The following CNTN1 variants were observed in gnomAD, a reference collection of about 807,000 sequenced individuals.
The protein encoded by CNTN1 is contactin-1.
Under a neutral mutation model 126.4 loss-of-function variants are expected in CNTN1, and 38 were observed. That is an observed-to-expected ratio of 0.30 (90% CI 0.23 to 0.39). The LOEUF (loss-of-function observed/expected upper bound fraction) is 0.39, where lower values mean the gene tolerates loss of function less well. Among genes scored for constraint, CNTN1 ranks in the 10% least tolerant of loss-of-function variants. The probability of loss-of-function intolerance (pLI) is 1.00; values close to 1 mark genes in which losing one functional copy is unlikely to be tolerated. For missense variants in CNTN1, 1,009 were observed against 1,248.4 expected, an observed-to-expected ratio of 0.81 and a Z score of 2.89; for synonymous variants, 413 against 422.6, an observed-to-expected ratio of 0.98 and a Z score of 0.28.
In CNTN1 at chr12:41,070,015, C is replaced by T. The variant is rs201778720; in HGVS notation, c.3037C>T (p.Leu1013Phe). Residue 1013 changes from leucine to phenylalanine, a missense_variant, in exon 24 of 24, where the codon CTT becomes TTT. Physicochemically the swap from Leu to Phe is conservative, Grantham distance 22. Coordinates refer to ENST00000551295, the MANE Select transcript of CNTN1 (RefSeq NM_001843.4). ...CTTACTGCTGCCTGCCTTTGGCATC[C>T]TTGTCTACTTGGAATTCTGAATGTG... is the stretch of plus-strand genomic sequence containing the variant. ...LGLLLPAFGI[L>F]VYLEF is the part of the protein sequence containing the mutation. 460 of 1,613,932 alleles carry T rather than the reference C, an allele frequency of 2.9e-4. No individual in the cohort carries two copies. Among genetic ancestry groups the T allele is most frequent in the Non-Finnish European group, 3.6e-4 (426 of 1,179,986 alleles).
At chr12:40,923,589 G>A (rs1466654313) in intron 5 of CNTN1, among the ~76,000 whole-genome samples, 1 of 152,086 alleles carries the variant, frequency 6.6e-6, no homozygotes, top group African/African-American at 2.4e-5. Context: ...TAGTCAGAGG[G>A]TAGAAACATT....
intron 1 of CNTN1, among the ~76,000 whole-genome samples, chr12:40,746,295 G>A (rs1310643133): frequency 6.6e-6 from 1 of 151,852 alleles, no homozygotes; most frequent in African/African-American, 2.4e-5. Context: ...ACTTATTAAC[G>A]AGCTTGATTC....
At chr12:40,925,627 A>ATG (rs1945641482) in intron 6 of CNTN1, among the ~76,000 whole-genome samples, 1 of 136,854 alleles carries the variant, frequency 7.3e-6, no homozygotes, top group Non-Finnish European at 1.5e-5. Flanking sequence ...ATATATACAC[A>ATG]TATATATATA....
intron 23 of CNTN1, among the ~76,000 whole-genome samples, chr12:41,052,161 C>G (rs1253970560): frequency 2.0e-5 from 3 of 152,106 alleles, no homozygotes; most frequent in African/African-American, 7.2e-5. Context: ...CAGTTTATAT[C>G]CCGGATATCT....
chr12:40,726,629 C>A (rs909579149), intron 1 of CNTN1, among the ~76,000 whole-genome samples: 2 of 152,094 alleles, frequency 1.3e-5, no homozygotes, highest in Non-Finnish European at 2.9e-5. Flanking sequence ...ATAGGGATTA[C>A]AATTGGAAGT....
intron 1 of CNTN1, among the ~76,000 whole-genome samples, chr12:40,881,287 T>G (rs1229714127): frequency 6.6e-6 from 1 of 151,902 alleles, no homozygotes; most frequent in East Asian, 1.9e-4. Flanking sequence ...GAACACGTAC[T>G]ATGGCTATAA....
chr12:40,773,633 G>GTGTATATATA (rs1555155525), intron 1 of CNTN1, among the ~76,000 whole-genome samples: 7 of 46,630 alleles, frequency 1.5e-4, no homozygotes, highest in Non-Finnish European at 2.3e-4. Flanking sequence ...ACCAGAAACT[G>GTGTATATATA]TATATATATA....
chr12:40,707,227 C>CTTTTTTTTTTTTTTTT lies in CNTN1; in HGVS notation c.-77+14659_-77+14674dup, dbSNP rs370984371. On this transcript the variant is annotated intron_variant, in intron 1 of 23. Transcript: ENST00000551295. ...TTCCTCTTTCATTTCTTTTCTTTTT[C>CTTTTTTTTTTTTTTTT]TTTTTTTTTTTTTTTTTTTTTTTTT... Among the ~76,000 whole-genome samples, 60 of 109,164 alleles carry CTTTTTTTTTTTTTTTT rather than the reference C, an allele frequency of 5.5e-4. 6 individuals carry two copies. The highest frequency in any genetic ancestry group is 1.6e-3 in the African/African-American group (42 of 26,092). The allele number at this position is 109,164 out of a possible 152,430, so 71.6% of individuals were successfully genotyped here.
chr12:40,697,947 AC>A (rs1401871746), intron 1 of CNTN1, among the ~76,000 whole-genome samples: 4 of 152,234 alleles, frequency 2.6e-5, no homozygotes, highest in Non-Finnish European at 5.9e-5. Flanking sequence ...TGACTCAGGC[AC>A]TAAATCTGCT....
At chr12:41,014,185 T>G in intron 17 of CNTN1, 43 bp from the exon 18 acceptor site, 3 of 1,595,224 alleles carry the variant, frequency 1.9e-6, no homozygotes, top group South Asian at 2.2e-5. Flanking sequence ...ATGCAGGCCC[T>G]CTTTTTGTTG....
At chr12:40,851,174 A>G (rs897269934) in intron 1 of CNTN1, among the ~76,000 whole-genome samples, 1 of 152,208 alleles carries the variant, frequency 6.6e-6, no homozygotes, top group Non-Finnish European at 1.5e-5. Context: ...TCTGGATTAA[A>G]GGTGGTAACA....
At chr12:40,864,017 T>C (rs1422468871) in intron 1 of CNTN1, among the ~76,000 whole-genome samples, 8 of 107,362 alleles carry the variant, frequency 7.5e-5, no homozygotes, top group East Asian at 7.4e-4. Context: ...CTCTCTGCTT[T>C]CCTTTTTTTT....
chr12:40,787,516 AT>A (rs1940070029), intron 1 of CNTN1, among the ~76,000 whole-genome samples: 1 of 152,158 alleles, frequency 6.6e-6, no homozygotes, highest in African/African-American at 2.4e-5. Flanking sequence ...ATTAGAATAA[AT>A]TATAGAATAG....
At chr12:40,789,134 T>C (rs565746125) in intron 1 of CNTN1, among the ~76,000 whole-genome samples, 1 of 152,264 alleles carries the variant, frequency 6.6e-6, no homozygotes, top group Non-Finnish European at 1.5e-5. Flanking sequence ...ATTTTTTCCA[T>C]ATATAGATAA....
intron 1 of CNTN1, among the ~76,000 whole-genome samples, chr12:40,853,553 A>G (rs767470891): frequency 2.6e-5 from 4 of 152,052 alleles, no homozygotes; most frequent in Non-Finnish European, 5.9e-5. Context: ...GGCTTCATTA[A>G]CTCATTCACC....
chr12:40,753,719 C>T (rs574235351), intron 1 of CNTN1, among the ~76,000 whole-genome samples: 10 of 152,048 alleles, frequency 6.6e-5, no homozygotes, highest in South Asian at 6.2e-4. Context: ...ATTTGGGTGG[C>T]GACATAGCCA....
chr12:40,698,770 T>G (rs1252149787), intron 1 of CNTN1, among the ~76,000 whole-genome samples: 1 of 152,178 alleles, frequency 6.6e-6, no homozygotes, highest in African/African-American at 2.4e-5. Context: ...TGAAGTCTTT[T>G]GCATTGCACC....
chr12:41,041,575 T>G (rs1322119530), intron 23 of CNTN1, among the ~76,000 whole-genome samples: 1 of 152,142 alleles, frequency 6.6e-6, no homozygotes, highest in East Asian at 1.9e-4. Flanking sequence ...AACTATTGAT[T>G]ATTGCCACAA....
intron 1 of CNTN1, among the ~76,000 whole-genome samples, chr12:40,752,290 A>C (rs539015541): frequency 6.6e-6 from 1 of 152,074 alleles, no homozygotes; most frequent in Non-Finnish European, 1.5e-5. Flanking sequence ...CTGTTTCAGA[A>C]CTACAACGTG....
Sources: allele counts gnomAD v4.1 joint callset (sites outside exome capture counted in the v4.1 genomes callset), GRCh38; gene constraint gnomAD v4.1.1; transcripts MANE v1.5; gene names NCBI Gene and HGNC (gene_info 2026-07-23, HGNC 2026-07-21).